Variants in RSPO2 observed in about 807,000 individuals in gnomAD.
The protein encoded by RSPO2 is R-spondin 2, also known as R-spondin-2.
A neutral mutation model predicts 30.9 loss-of-function variants in RSPO2; 14 were observed. That is an observed-to-expected ratio of 0.45 (90% confidence interval 0.30 to 0.71). The LOEUF is 0.71. Among genes scored for constraint, RSPO2 ranks in the 30% least tolerant of loss-of-function variants. The probability of loss-of-function intolerance (pLI) is 0.08; values close to 1 mark genes in which losing one functional copy is unlikely to be tolerated. For synonymous variants in RSPO2, 107 were observed against 96.4 expected (o/e 1.11, Z -0.64); for missense variants, 264 against 301.9 (o/e 0.87, Z 0.93).
intron 2 of RSPO2, among the ~76,000 whole-genome samples, chr8:107,993,547 G>A (rs1195120620): frequency 6.6e-6 from 1 of 152,118 alleles, no homozygotes; most frequent in African/African-American, 2.4e-5. Context: ...ATAGAAATAA[G>A]ACTACTACAT....
chr8:108,054,992 G>A lies in RSPO2; in HGVS notation c.94+27553C>T, dbSNP rs374688370. Among the ~76,000 whole-genome samples, 9 of 152,196 alleles carry A rather than the reference G, an allele frequency of 5.9e-5. No individual in the cohort carries two copies. The South Asian group carries it at 1.5e-3, about 25-fold the overall frequency. On this transcript the variant is annotated intron_variant, in intron 2 of 5. Coordinates refer to ENST00000276659, the MANE Select transcript of RSPO2 (RefSeq NM_178565.5). ...AACGATTAGCCGGGTGTGGTGGTGC[G>A]TGCCTGTAGTCCCAGCTACTCAGGG...
chr8:107,988,942 C>A, intron 3 of RSPO2, 114 bp downstream of exon 3: 2 of 975,558 alleles, frequency 2.1e-6, no homozygotes, highest in South Asian at 3.6e-5. Context: ...TAAACTATTT[C>A]TATCACCTAT....
At chr8:108,062,981 G>A (rs897058132) in intron 2 of RSPO2, among the ~76,000 whole-genome samples, 2 of 151,686 alleles carry the variant, frequency 1.3e-5, no homozygotes, top group South Asian at 2.1e-4. Flanking sequence ...AAATTCAACT[G>A]CCCTTCATGC....
chr8:108,082,004 T>G, intron 2 of RSPO2: 1 of 788,314 alleles, frequency 1.3e-6, no homozygotes, highest in African/African-American at 1.9e-5. Flanking sequence ...CCCCCTCGAC[T>G]TGGTACCCCT....
Position 107,913,048 on chromosome 8 carries a change from A to G in RSPO2, c.617-11858T>C, listed in dbSNP as rs1009347238. ...GTACATGTGATAATTTAACATTCAT[A>G]TAATCAAAGAAAGGTAATTGGGATA... On this transcript the variant is annotated intron_variant, in intron 5 of 5. Transcript: ENST00000276659. Among the ~76,000 whole-genome samples, 6 of 152,174 alleles carry G rather than the reference A, an allele frequency of 3.9e-5. No individual in the cohort carries two copies. The East Asian group carries it at 5.8e-4, about 15-fold the overall frequency.
intron 5 of RSPO2, among the ~76,000 whole-genome samples, chr8:107,911,039 G>A (rs777013832): frequency 6.6e-6 from 1 of 152,140 alleles, no homozygotes; most frequent in Non-Finnish European, 1.5e-5. Context: ...TCTAAACACT[G>A]AAAGTGGTCA....
intron 2 of RSPO2, among the ~76,000 whole-genome samples, chr8:108,080,036 AG>A (rs1479565224): frequency 2.6e-5 from 4 of 152,332 alleles, no homozygotes; most frequent in African/African-American, 9.6e-5. Flanking sequence ...CAATTGGTGT[AG>A]GATCAATCAG....
intron 2 of RSPO2, among the ~76,000 whole-genome samples, chr8:108,059,501 G>A (rs1166419510): frequency 6.6e-6 from 1 of 151,298 alleles, no homozygotes; most frequent in African/African-American, 2.5e-5. Flanking sequence ...CCCATTACTG[G>A]GTATATACGC....
chr8:108,081,945 T>G (rs989825296), intron 2 of RSPO2: 14 of 978,844 alleles, frequency 1.4e-5, no homozygotes, highest in Non-Finnish European at 1.7e-5. Context: ...CGTCGCAGTT[T>G]CCAGAAAAAA....
Position 107,921,997 on chromosome 8 carries a change from C to T in RSPO2, c.617-20807G>A, listed in dbSNP as rs187852634. Among the ~76,000 whole-genome samples the T allele has an allele frequency of 2.0e-5, 3 of 152,236 alleles. No homozygotes were observed. In the East Asian group the frequency reaches 5.8e-4, roughly 29 times the overall value. ...TGACAAATCCACAGCCAATGTCATA[C>T]TGAATGGGCAAAAGCTGGAAGCATT... On this transcript the variant is annotated intron_variant, in intron 5 of 5. Transcript: ENST00000276659.
At chr8:108,032,224 G>A in intron 2 of RSPO2, among the ~76,000 whole-genome samples, 1 of 152,238 alleles carries the variant, frequency 6.6e-6, no homozygotes, top group African/African-American at 2.4e-5. Flanking sequence ...GGAAGTTTCA[G>A]AAAAAACATC....
At chr8:107,979,640 C>A (rs992522366) in intron 3 of RSPO2, among the ~76,000 whole-genome samples, 1 of 151,672 alleles carries the variant, frequency 6.6e-6, no homozygotes, top group Non-Finnish European at 1.5e-5. Context: ...CAAACCTGCA[C>A]GTTGTGCACA....
chr8:107,921,738 T>C (rs981065304), intron 5 of RSPO2, among the ~76,000 whole-genome samples: 1 of 151,996 alleles, frequency 6.6e-6, no homozygotes, highest in African/African-American at 2.4e-5. Flanking sequence ...CCAAAGCATA[T>C]CAAACAGCTT....
chr8:107,953,285 C>A (rs899752858), intron 5 of RSPO2, among the ~76,000 whole-genome samples: 2 of 152,152 alleles, frequency 1.3e-5, no homozygotes, highest in Non-Finnish European at 2.9e-5. Context: ...CTCTAGAGGG[C>A]TGGCTTTGAA....
intron 5 of RSPO2, among the ~76,000 whole-genome samples, chr8:107,905,066 C>T (rs898386839): frequency 6.6e-6 from 1 of 152,066 alleles, no homozygotes; most frequent in African/African-American, 2.4e-5. Flanking sequence ...TATAGGCAGA[C>T]TCACAAATTA....
At chr8:107,956,040 T>C (rs1460939261) in intron 5 of RSPO2, among the ~76,000 whole-genome samples, 1 of 152,214 alleles carries the variant, frequency 6.6e-6, no homozygotes, top group African/African-American at 2.4e-5. Context: ...GGAACTTTTC[T>C]CTCTCTCACC....
intron 5 of RSPO2, among the ~76,000 whole-genome samples, chr8:107,956,267 T>C (rs969468561): frequency 3.3e-5 from 5 of 152,226 alleles, no homozygotes; most frequent in South Asian, 2.1e-4. Flanking sequence ...TTAAAGGTTA[T>C]ATAAAATTGA....
At chr8:108,019,264 G>C (rs1169880373) in intron 2 of RSPO2, among the ~76,000 whole-genome samples, 1 of 152,078 alleles carries the variant, frequency 6.6e-6, no homozygotes, top group Non-Finnish European at 1.5e-5. Flanking sequence ...TGAGACACGA[G>C]AATTGCTTGA....
chr8:108,073,136 G>A (rs984674836), intron 2 of RSPO2: 6 of 152,128 alleles, frequency 3.9e-5, no homozygotes, highest in Non-Finnish European at 5.9e-5. Flanking sequence ...GGAGATTAGC[G>A]ATCAAAACAA....
Sources: gnomAD v4.1 joint callset for allele counts (sites outside exome capture counted in the v4.1 genomes callset) on GRCh38, gnomAD v4.1.1 for gene constraint, MANE v1.5 for transcripts, NCBI Gene and HGNC (gene_info 2026-07-23, HGNC 2026-07-21) for gene names.